The following ARHGAP42 variants were observed in gnomAD, a reference collection of about 807,000 sequenced individuals.
ARHGAP42 encodes Rho GTPase activating protein 42.
Under a neutral mutation model 125.0 loss-of-function variants are expected in ARHGAP42, and 63 were observed. The ratio of observed to expected loss-of-function variants is 0.50; its 90% CI spans 0.41 to 0.62. The LOEUF (loss-of-function observed/expected upper bound fraction) is 0.62. ARHGAP42 is among the 20% of genes least tolerant of loss of function. The probability of loss-of-function intolerance (pLI) is 0.00; values close to 1 mark genes in which losing one functional copy is unlikely to be tolerated. For synonymous variants in ARHGAP42, 339 were observed against 351.0 expected, an observed-to-expected ratio of 0.97 and a Z score of 0.38; for missense variants, 766 against 1,024.2, an observed-to-expected ratio of 0.75 and a Z score of 3.44.
intron 1 of ARHGAP42, among the ~76,000 whole-genome samples, chr11:100,717,636 C>CA (rs60024751): frequency 0.022 from 1,530 of 68,526 alleles, 60 homozygotes; most frequent in African/African-American, 0.067. Flanking sequence ...GACTCCGTCT[C>CA]AAAAAAAAAA....
chr11:100,825,096 G>A (rs760579168), intron 3 of ARHGAP42, among the ~76,000 whole-genome samples: 1 of 152,152 alleles, frequency 6.6e-6, no homozygotes, highest in Non-Finnish European at 1.5e-5. Flanking sequence ...AAATTTTACA[G>A]CATCATTTTC....
intron 2 of ARHGAP42, among the ~76,000 whole-genome samples, chr11:100,787,684 G>C (rs767052942): frequency 3.3e-5 from 5 of 152,174 alleles, no homozygotes; most frequent in Admixed American, 6.5e-5. Flanking sequence ...GCAATATCAA[G>C]AACCCAGGCG....
chr11:100,697,858 G>T (rs776594984), intron 1 of ARHGAP42, among the ~76,000 whole-genome samples: 1 of 152,082 alleles, frequency 6.6e-6, no homozygotes, highest in Non-Finnish European at 1.5e-5. Flanking sequence ...AAAGATAGGG[G>T]CCAAACGGTG....
At chr11:100,878,030 G>A (rs1358427948) in intron 4 of ARHGAP42, among the ~76,000 whole-genome samples, 3 of 148,316 alleles carry the variant, frequency 2.0e-5, no homozygotes, top group Non-Finnish European at 4.5e-5. Context: ...AAAAAAAAGA[G>A]GTGTTACCTA....
chr11:100,772,215 A>T (rs923476731), intron 2 of ARHGAP42, among the ~76,000 whole-genome samples: 3 of 152,202 alleles, frequency 2.0e-5, no homozygotes, highest in African/African-American at 7.2e-5. Flanking sequence ...CTCTCAGGAG[A>T]AGCTAAGCTG....
intron 3 of ARHGAP42, among the ~76,000 whole-genome samples, chr11:100,801,107 A>T (rs937863018): frequency 1.3e-5 from 2 of 152,192 alleles, no homozygotes; most frequent in Non-Finnish European, 2.9e-5. Flanking sequence ...TTATGTCTGT[A>T]CTCAAAAAGT....
At chr11:100,788,211 G>C (rs1863481202) in intron 2 of ARHGAP42, among the ~76,000 whole-genome samples, 1 of 152,088 alleles carries the variant, frequency 6.6e-6, no homozygotes, top group Non-Finnish European at 1.5e-5. Flanking sequence ...GGATTCCTTG[G>C]CGATAGGATA....
intron 4 of ARHGAP42, among the ~76,000 whole-genome samples, chr11:100,908,066 GTTCT>G (rs779905457): frequency 2.6e-5 from 4 of 152,040 alleles, no homozygotes; most frequent in Non-Finnish European, 4.4e-5. Flanking sequence ...TTAATGATAG[GTTCT>G]TTTACTACAA....
chr11:100,957,991 T>C (rs1857848482), intron 12 of ARHGAP42, among the ~76,000 whole-genome samples: 1 of 152,102 alleles, frequency 6.6e-6, no homozygotes, highest in South Asian at 2.1e-4. Flanking sequence ...TTTCTCTTAA[T>C]ATATCTTTTT....
At chr11:100,688,371 G>A (rs981436264) in intron 1 of ARHGAP42, among the ~76,000 whole-genome samples, 1 of 152,178 alleles carries the variant, frequency 6.6e-6, no homozygotes, top group African/African-American at 2.4e-5. Flanking sequence ...CAAGGCACCA[G>A]TGCATTTTAA....
At chr11:100,986,033 G>T in intron 22 of ARHGAP42, 1 of 456,600 alleles carries the variant, frequency 2.2e-6, no homozygotes, top group Non-Finnish European at 4.4e-6. Flanking sequence ...TGTAGAAAAT[G>T]AACCCAGAAC....
intron 4 of ARHGAP42, among the ~76,000 whole-genome samples, chr11:100,885,126 T>C (rs1866060293): frequency 6.6e-6 from 1 of 152,200 alleles, no homozygotes; most frequent in South Asian, 2.1e-4. Context: ...TATATTCCGA[T>C]CTGACCCCAA....
At chr11:100,976,582 A>T in intron 20 of ARHGAP42, 145 bp downstream of exon 20, 1 of 1,254,524 alleles carries the variant, frequency 8.0e-7, no homozygotes, top group Non-Finnish European at 1.1e-6. Context: ...GGATTTTACA[A>T]CCTAGGCACT....
rs1861111668 is a variant in ARHGAP42, at chr11:100,687,852, G to A, written c.154+20G>A. The A allele has an allele frequency of 1.3e-6, 2 of 1,538,660 alleles. No homozygotes were observed. Among genetic ancestry groups the A allele is most frequent in the South Asian group, 1.2e-5 (1 of 82,642 alleles). On this transcript the variant is annotated intron_variant, in intron 1 of 23. Transcript: ENST00000298815. ...TGAGGAGTAAGTAGGGCTGGCGGGGGAGTGGACACCCGCATCTGGAGAGTC... is the reference window on the plus strand; with the variant it reads ...TGAGGAGTAAGTAGGGCTGGCGGGGAAGTGGACACCCGCATCTGGAGAGTC...
chr11:100,943,727 A>C (rs1867943144), intron 9 of ARHGAP42, 32 bp from the exon 10 acceptor site: 1 of 1,381,824 alleles, frequency 7.2e-7, no homozygotes, highest in Non-Finnish European at 1.0e-6. Context: ...ACTTGTCAGC[A>C]TGTTAATACT....
chr11:100,977,004 C>G, intron 21 of ARHGAP42, 33 bp downstream of exon 21: 1 of 1,549,116 alleles, frequency 6.5e-7, no homozygotes, highest in Non-Finnish European at 8.7e-7. Context: ...GCTGTGTCTC[C>G]CAGGGATACA....
At chr11:100,692,786 A>G (rs574119913) in intron 1 of ARHGAP42, among the ~76,000 whole-genome samples, 4 of 152,318 alleles carry the variant, frequency 2.6e-5, no homozygotes, top group Non-Finnish European at 4.4e-5. Flanking sequence ...CTGCTATGAT[A>G]CATTTTTGAT....
rs1287347942 is a variant in ARHGAP42 at position 100,859,799 on chromosome 11, T to C, written c.384+174T>C. ...CTGGACTTCTTTTAGACATAAAAGATGTTATTATTCTACTGAGTAGATAAG... is the reference window on the plus strand; with the variant it reads ...CTGGACTTCTTTTAGACATAAAAGACGTTATTATTCTACTGAGTAGATAAG... On this transcript the variant is annotated intron_variant, in intron 4 of 23. Coordinates refer to ENST00000298815, the MANE Select transcript of ARHGAP42 (RefSeq NM_152432.4). 6.2e-6 allele frequency: 3 copies of C among 485,472 alleles called. No individual in the cohort carries two copies. In the Admixed American group the frequency reaches 1.3e-4, roughly 20 times the overall value. The allele number at this position is 485,472 out of a possible 1,614,324, so 30.1% of individuals were successfully genotyped here.
chr11:100,815,647 T>C (rs1276931124), intron 3 of ARHGAP42, among the ~76,000 whole-genome samples: 4 of 152,206 alleles, frequency 2.6e-5, no homozygotes, highest in Non-Finnish European at 4.4e-5. Context: ...TTTCTGTAGT[T>C]GTAGTAAAAT....
Sources: allele counts gnomAD v4.1 joint callset (sites outside exome capture counted in the v4.1 genomes callset), GRCh38; gene constraint gnomAD v4.1.1; transcripts MANE v1.5; gene names NCBI Gene and HGNC (gene_info 2026-07-23, HGNC 2026-07-21).